The following NELL1 variants were observed in gnomAD, a reference collection of about 807,000 sequenced individuals.
NELL1 encodes the protein neural EGFL like 1.
A neutral mutation model predicts 107.4 loss-of-function variants in NELL1; 76 were observed. The ratio of observed to expected loss-of-function variants is 0.71; its 90% confidence interval spans 0.59 to 0.86. The LOEUF is 0.86. Among genes scored for constraint, NELL1 ranks in the 40% least tolerant of loss-of-function variants. The pLI, the probability that NELL1 is intolerant of heterozygous loss-of-function variation, is 0.00. For missense variants in NELL1, 1,024 were observed against 1,005.5 expected (o/e 1.02, Z -0.25); for synonymous variants, 353 against 341.2 (o/e 1.03, Z -0.38).
intron 12 of NELL1, among the ~76,000 whole-genome samples, chr11:21,066,341 A>T (rs1251800266): frequency 6.6e-6 from 1 of 152,218 alleles, no homozygotes; most frequent in Non-Finnish European, 1.5e-5. Context: ...GCCTGTGATA[A>T]GTATTTTACT....
rs80263984 is a variant in NELL1 at position 21,447,989 on chromosome 11, G to A, written c.1645+77041G>A. Among the ~76,000 whole-genome samples, 2,702 of 152,230 alleles carry A rather than the reference G, an allele frequency of 0.018. 198 individuals are homozygous for A. The East Asian group carries it at 0.22, about 13-fold the overall frequency. ...GCCATCTGAGTTCTGCCCAGTGTTG[G>A]CAGCACTGAATTCTCACAATCGCTT... is the stretch of plus-strand genomic sequence containing the variant. On this transcript the variant is annotated intron_variant, in intron 15 of 19. Transcript: ENST00000357134.
At chr11:20,880,236 A>T (rs1285394371) in intron 4 of NELL1, among the ~76,000 whole-genome samples, 3 of 152,228 alleles carry the variant, frequency 2.0e-5, no homozygotes, top group Admixed American at 2.0e-4. Context: ...AGCATCTAAG[A>T]TATTGAGACT....
At chr11:21,329,268 G>A (rs1281257169) in intron 14 of NELL1, among the ~76,000 whole-genome samples, 1 of 151,386 alleles carries the variant, frequency 6.6e-6, no homozygotes, top group Non-Finnish European at 1.5e-5. Context: ...CTCACAGGAT[G>A]GTTTTATAAG....
intron 13 of NELL1, among the ~76,000 whole-genome samples, chr11:21,152,518 T>C (rs138080589): frequency 1.1e-4 from 16 of 152,242 alleles, no homozygotes; most frequent in Non-Finnish European, 1.9e-4. Context: ...TTTGCGGGTA[T>C]TGGGGATTGG....
intron 2 of NELL1, 39 bp downstream of exon 2, chr11:20,678,099 G>A (rs751638880): frequency 1.9e-6 from 3 of 1,612,240 alleles, no homozygotes; most frequent in African/African-American, 2.7e-5. Flanking sequence ...GCAGAGGTTG[G>A]GGAGGAGGGT....
At chr11:21,087,326 T>A (rs1231795048) in intron 12 of NELL1, among the ~76,000 whole-genome samples, 1 of 152,092 alleles carries the variant, frequency 6.6e-6, no homozygotes, top group Non-Finnish European at 1.5e-5. Flanking sequence ...TTAAGAAAAT[T>A]TTTTTGTTTG....
rs752856527 is a variant in NELL1, at chr11:20,836,574, TA to T, written c.336-11000del. 9.3e-5 allele frequency among the ~76,000 whole-genome samples: 14 copies of T among 150,740 alleles called. No homozygotes were observed. The East Asian group carries it at 1.4e-3, about 15-fold the overall frequency. ...TATATGATGAAGTATTACTCAGCTA[TA>T]AAAAAAAACAACGCATGATTAAGCC... On this transcript the variant is annotated intron_variant, in intron 3 of 19. Transcript: ENST00000357134.
chr11:21,442,461 G>C (rs1294204745), intron 15 of NELL1, among the ~76,000 whole-genome samples: 1 of 152,064 alleles, frequency 6.6e-6, no homozygotes, highest in Non-Finnish European at 1.5e-5. Flanking sequence ...TGGATCTAAA[G>C]GATAGGTCAG....
intron 15 of NELL1, among the ~76,000 whole-genome samples, chr11:21,427,122 G>A (rs1181205524): frequency 6.6e-6 from 1 of 152,130 alleles, no homozygotes; most frequent in Non-Finnish European, 1.5e-5. Context: ...ATGAAACAGG[G>A]GAGAGTGAGG....
At chr11:21,453,751 T>G (rs995093287) in intron 15 of NELL1, among the ~76,000 whole-genome samples, 7 of 151,970 alleles carry the variant, frequency 4.6e-5, no homozygotes, top group African/African-American at 1.4e-4. Flanking sequence ...TATTTTATGA[T>G]TCCATTTTAT....
At chr11:20,927,760 A>G (rs1850531701) in intron 8 of NELL1, among the ~76,000 whole-genome samples, 1 of 152,236 alleles carries the variant, frequency 6.6e-6, no homozygotes. Context: ...CCTAATGGTT[A>G]TCCTTATTCA....
chr11:21,524,237 T>C (rs552683848), intron 15 of NELL1, among the ~76,000 whole-genome samples: 2 of 152,218 alleles, frequency 1.3e-5, no homozygotes, highest in Admixed American at 6.5e-5. Context: ...TACACCTCCA[T>C]TTTCAGTAAA....
chr11:21,128,357 T>TC (rs1364714170), intron 13 of NELL1, among the ~76,000 whole-genome samples: 1 of 152,088 alleles, frequency 6.6e-6, no homozygotes, highest in Admixed American at 6.6e-5. Flanking sequence ...TTAGCATTTT[T>TC]CCCCCCTTTT....
intron 12 of NELL1, among the ~76,000 whole-genome samples, chr11:20,991,240 G>A (rs10833428): frequency 0.25 from 38,641 of 152,010 alleles, 5,407 homozygotes; most frequent in Middle Eastern, 0.38. Flanking sequence ...TCTGGAGACT[G>A]AGATTTTTGT....
intron 14 of NELL1, among the ~76,000 whole-genome samples, chr11:21,295,361 C>T (rs1289374822): frequency 1.3e-5 from 2 of 151,892 alleles, no homozygotes; most frequent in African/African-American, 4.8e-5. Flanking sequence ...TCATTTGGTA[C>T]CAGAACCAAG....
At chr11:21,574,213 G>C (rs1042359711) in intron 19 of NELL1, among the ~76,000 whole-genome samples, 2 of 151,448 alleles carry the variant, frequency 1.3e-5, no homozygotes, top group African/African-American at 4.8e-5. Context: ...AGCATCAGTG[G>C]AAGCTTCCCA....
chr11:21,542,408 C>CA (rs1279172998), intron 16 of NELL1, among the ~76,000 whole-genome samples: 6 of 151,476 alleles, frequency 4.0e-5, no homozygotes, highest in Non-Finnish European at 7.4e-5. Flanking sequence ...ATTGAAAATA[C>CA]AAAAAAAGGG....
intron 13 of NELL1, among the ~76,000 whole-genome samples, chr11:21,132,890 T>C (rs1855656781): frequency 1.3e-5 from 2 of 152,220 alleles, no homozygotes; most frequent in African/African-American, 4.8e-5. Flanking sequence ...GCATCCAGGA[T>C]GAATGAAGTA....
At chr11:20,922,839 A>G (rs1850409707) in intron 7 of NELL1, among the ~76,000 whole-genome samples, 1 of 152,136 alleles carries the variant, frequency 6.6e-6, no homozygotes, top group African/African-American at 2.4e-5. Context: ...CATATGTAAA[A>G]TGGTGACAAT....
Sources: allele counts gnomAD v4.1 joint callset (sites outside exome capture counted in the v4.1 genomes callset), GRCh38; gene constraint gnomAD v4.1.1; transcripts MANE v1.5; gene names NCBI Gene and HGNC (gene_info 2026-07-23, HGNC 2026-07-21).